NAALADL2: variants seen among roughly 807,000 people sequenced by gnomAD.
NAALADL2 encodes the protein inactive N-acetylated-alpha-linked acidic dipeptidase-like protein 2.
In NAALADL2, 76 loss-of-function variants were observed where a neutral mutation model predicts 87.2. The observed-to-expected ratio is 0.87, with a 90% confidence interval of 0.72 to 1.05. The LOEUF (loss-of-function observed/expected upper bound fraction) is 1.05. Among genes scored for constraint, NAALADL2 ranks in the 50% least tolerant of loss-of-function variants. The pLI, the probability that NAALADL2 is intolerant of heterozygous loss-of-function variation, is 0.00. For synonymous variants in NAALADL2, 354 were observed against 331.0 expected (o/e 1.07, Z -0.75); for missense variants, 1,089 against 945.8 (o/e 1.15, Z -1.99).
intron 13 of NAALADL2, among the ~76,000 whole-genome samples, chr3:175,766,966 C>T (rs1748779683): frequency 6.6e-6 from 1 of 152,096 alleles, no homozygotes; most frequent in Non-Finnish European, 1.5e-5. Flanking sequence ...AAGGAAAGGA[C>T]AGGGAGCCAA....
At chr3:175,024,047 A>G (rs1039860160) in intron 1 of NAALADL2, among the ~76,000 whole-genome samples, 1 of 151,960 alleles carries the variant, frequency 6.6e-6, no homozygotes, top group Non-Finnish European at 1.5e-5. Flanking sequence ...TATTTATTTT[A>G]ATTGGTACAT....
At chr3:174,458,045 C>G (rs1191858465) in intron 1 of NAALADL2, among the ~76,000 whole-genome samples, 1 of 152,132 alleles carries the variant, frequency 6.6e-6, no homozygotes, top group Non-Finnish European at 1.5e-5. Flanking sequence ...GGGTACCAAG[C>G]TTGATACCTG....
chr3:175,757,533 T>C (rs2150139018), intron 13 of NAALADL2, among the ~76,000 whole-genome samples: 1 of 152,246 alleles, frequency 6.6e-6, no homozygotes, highest in South Asian at 2.1e-4. Flanking sequence ...TAATTTTCCT[T>C]TATGGTTTTA....
At chr3:174,761,082 G>A (rs1470324412) in intron 3 of NAALADL2, among the ~76,000 whole-genome samples, 1 of 152,136 alleles carries the variant, frequency 6.6e-6, no homozygotes, top group Non-Finnish European at 1.5e-5. Flanking sequence ...AGTGCACCCT[G>A]TAGTCTATTC....
chr3:175,112,668 G>T (rs1414622572), intron 2 of NAALADL2: 1 of 151,548 alleles, frequency 6.6e-6, no homozygotes, highest in Non-Finnish European at 1.5e-5. Flanking sequence ...TAATTTAGTT[G>T]AATTAAAACA....
chr3:175,192,142 A>C (rs1738301208), intron 2 of NAALADL2, among the ~76,000 whole-genome samples: 2 of 152,060 alleles, frequency 1.3e-5, no homozygotes, highest in Admixed American at 1.3e-4. Context: ...TTTGGGCTTT[A>C]CTGGAGTGTT....
chr3:174,622,456 T>C (rs1226174495), intron 2 of NAALADL2, among the ~76,000 whole-genome samples: 1 of 152,154 alleles, frequency 6.6e-6, no homozygotes, highest in African/African-American at 2.4e-5. Flanking sequence ...CATTTACAGT[T>C]GACCATTGAA....
At chr3:174,501,304 T>G (rs1718877353) in intron 1 of NAALADL2, among the ~76,000 whole-genome samples, 1 of 143,328 alleles carries the variant, frequency 7.0e-6, no homozygotes, top group African/African-American at 3.0e-5. Context: ...GGTCTCGATC[T>G]CCTGACCTCG....
At chr3:175,571,190 A>G (rs1463791090) in intron 9 of NAALADL2, among the ~76,000 whole-genome samples, 1 of 152,166 alleles carries the variant, frequency 6.6e-6, no homozygotes, top group East Asian at 1.9e-4. Context: ...TTTGCCTTTC[A>G]TCTTAAAACT....
intron 2 of NAALADL2, among the ~76,000 whole-genome samples, chr3:174,661,285 C>T (rs926830887): frequency 3.9e-5 from 6 of 152,064 alleles, no homozygotes; most frequent in African/African-American, 1.4e-4. Flanking sequence ...AATATTATTA[C>T]TGAACTCATA....
At chr3:174,750,148 T>C (rs1734679957) in intron 3 of NAALADL2, among the ~76,000 whole-genome samples, 1 of 152,204 alleles carries the variant, frequency 6.6e-6, no homozygotes, top group African/African-American at 2.4e-5. Context: ...TACATGCAAA[T>C]ACAGACTTTT....
intron 1 of NAALADL2, among the ~76,000 whole-genome samples, chr3:175,009,453 A>G (rs1749493404): frequency 6.6e-6 from 1 of 152,186 alleles, no homozygotes. Flanking sequence ...AAAAACAGGG[A>G]CCAAGTGATG....
chr3:175,321,790 G>A (rs1236102818), intron 4 of NAALADL2, among the ~76,000 whole-genome samples: 3 of 129,874 alleles, frequency 2.3e-5, no homozygotes, highest in Non-Finnish European at 4.8e-5. Flanking sequence ...GGGATGTGAA[G>A]GACCTCTTCA....
intron 1 of NAALADL2, among the ~76,000 whole-genome samples, chr3:175,010,389 G>A (rs945441161): frequency 1.3e-5 from 2 of 152,106 alleles, no homozygotes; most frequent in South Asian, 4.1e-4. Context: ...CTTTCTAAGA[G>A]CCTTAAAGCA....
intron 1 of NAALADL2, among the ~76,000 whole-genome samples, chr3:175,023,713 T>G (rs1228597067): frequency 6.6e-5 from 10 of 152,086 alleles, no homozygotes; most frequent in Non-Finnish European, 1.5e-4. Context: ...CATACTAGAA[T>G]GCAAAATACT....
intron 2 of NAALADL2, among the ~76,000 whole-genome samples, chr3:174,626,088 ATTT>A (rs34520470): frequency 0.37 from 50,945 of 138,734 alleles, 9,077 homozygotes; most frequent in Middle Eastern, 0.49. Context: ...ATAACTATAG[ATTT>A]TTTTTTTTTT....
chr3:175,172,924 C>A (rs1438556608), intron 2 of NAALADL2, among the ~76,000 whole-genome samples: 1 of 152,044 alleles, frequency 6.6e-6, no homozygotes, highest in Non-Finnish European at 1.5e-5. Context: ...TAGGAGTGTT[C>A]AAGCAAAGGA....
At chr3:175,485,628 G>T (rs1200539377) in intron 9 of NAALADL2, among the ~76,000 whole-genome samples, 2 of 152,180 alleles carry the variant, frequency 1.3e-5, no homozygotes, top group Non-Finnish European at 2.9e-5. Flanking sequence ...CAGCAGGGGA[G>T]AAAGATGAAG....
intron 4 of NAALADL2, among the ~76,000 whole-genome samples, chr3:175,268,785 T>C (rs552763439): frequency 6.6e-6 from 1 of 152,232 alleles, no homozygotes; most frequent in East Asian, 1.9e-4. Context: ...AGGGTCTGGA[T>C]CAGTATCACT....
Sources: allele counts gnomAD v4.1 joint callset (sites outside exome capture counted in the v4.1 genomes callset), GRCh38; gene constraint gnomAD v4.1.1; transcripts MANE v1.5; gene names NCBI Gene and HGNC (gene_info 2026-07-23, HGNC 2026-07-21).